DACH2: variants seen among roughly 807,000 people sequenced by gnomAD.
DACH2 encodes the protein dachshund family transcription factor 2, also known as dachshund homolog 2.
A neutral mutation model predicts 35.8 loss-of-function variants in DACH2; 17 were observed. The ratio of observed to expected loss-of-function variants is 0.48; its 90% confidence interval spans 0.33 to 0.71. The LOEUF is 0.71. DACH2 is among the 30% of genes least tolerant of loss of function. The pLI, the probability that DACH2 is intolerant of heterozygous loss-of-function variation, is 0.02. For synonymous variants in DACH2, 195 were observed against 177.3 expected (o/e 1.10, Z -0.79); for missense variants, 469 against 472.7 (o/e 0.99, Z 0.07).
At chrX:86,444,121 T>A (rs2037218338) in intron 2 of DACH2, among the ~76,000 whole-genome samples, 1 of 111,623 alleles carries the variant, frequency 9.0e-6, no homozygotes, top group Admixed American at 9.6e-5. Flanking sequence ...GATAAGGCCT[T>A]GCCCTGTCAC....
At chrX:86,418,987 G>A (rs150081344) in intron 2 of DACH2, among the ~76,000 whole-genome samples, 1,445 of 111,633 alleles carry the variant, frequency 0.013, 31 homozygotes, top group African/African-American at 0.045. Context: ...AATGCCTCCA[G>A]TCTCTTTGCT....
chrX:86,726,356 C>T lies in DACH2; in HGVS notation c.1104+11636C>T, dbSNP rs761919421. Among the ~76,000 whole-genome samples, 3 of 111,587 alleles carry T rather than the reference C, an allele frequency of 2.7e-5. No individual in the cohort carries two copies. The South Asian group carries it at 1.1e-3, about 42-fold the overall frequency. ...GCCCAGTGTTACACTCTCAAAATTG[C>T]ACCAGGTGTGGGCCCATAACCAGAG... On this transcript the variant is annotated intron_variant, in intron 6 of 11. Coordinates refer to ENST00000373125, the MANE Select transcript of DACH2 (RefSeq NM_053281.3).
chrX:86,477,260 T>C (rs1199113578), intron 2 of DACH2, among the ~76,000 whole-genome samples: 1 of 106,491 alleles, frequency 9.4e-6, no homozygotes, highest in Non-Finnish European at 1.9e-5. Flanking sequence ...CTGACTATTA[T>C]TGTATTAGGG....
At chrX:86,155,890 T>C (rs1287463015) in intron 1 of DACH2, among the ~76,000 whole-genome samples, 1 of 110,979 alleles carries the variant, frequency 9.0e-6, no homozygotes, top group African/African-American at 3.3e-5. Context: ...AGGCTAATGT[T>C]GGATGTTTAT....
chrX:86,296,527 T>C (rs372198117), intron 1 of DACH2, among the ~76,000 whole-genome samples: 1 of 111,557 alleles, frequency 9.0e-6, no homozygotes, highest in Admixed American at 9.5e-5. Context: ...CAAGTTTGCC[T>C]ATAAATGAAA....
chrX:86,167,918 C>A (rs2030997861), intron 1 of DACH2, among the ~76,000 whole-genome samples: 2 of 111,463 alleles, frequency 1.8e-5, no homozygotes. Flanking sequence ...GATATTATTT[C>A]AAGTTTTTTG....
intron 1 of DACH2, among the ~76,000 whole-genome samples, chrX:86,289,574 C>A (rs867833480): frequency 1.5e-5 from 1 of 66,431 alleles, no homozygotes; most frequent in African/African-American, 5.9e-5. Context: ...CTCCCCCCTC[C>A]CCCCACCCCA....
At chrX:86,391,670 G>A (rs1388581975) in intron 2 of DACH2, among the ~76,000 whole-genome samples, 1 of 111,006 alleles carries the variant, frequency 9.0e-6, no homozygotes, top group Admixed American at 9.7e-5. Flanking sequence ...ATTACATAAA[G>A]TAGGATCTCT....
In DACH2 at chrX:86,315,838, C is replaced by CAGAGAG. The variant is rs1441850166; in HGVS notation, c.489-60985_489-60984insGAGAGA. Among the ~76,000 whole-genome samples, 347 of 77,025 alleles carry CAGAGAG rather than the reference C, an allele frequency of 4.5e-3. 3 individuals are homozygous for CAGAGAG. The highest frequency in any genetic ancestry group is 0.014 in the African/African-American group (267 of 18,709). The allele number at this position is 77,025 out of a possible 115,157, so 66.9% of individuals were successfully genotyped here. A position where few individuals can be genotyped will look rare whatever the true frequency, so the allele number is the denominator to read the frequency against. On this transcript the variant is annotated intron_variant, in intron 1 of 11. Coordinates refer to ENST00000373125, the MANE Select transcript of DACH2 (RefSeq NM_053281.3). ...ACACACACACACACACACACACACA[C>CAGAGAG]ACAGAGAGAGAGAGGGAGATTGGAG... is the stretch of plus-strand genomic sequence containing the variant.
intron 7 of DACH2, among the ~76,000 whole-genome samples, chrX:86,785,773 A>G (rs2042130852): frequency 9.0e-6 from 1 of 111,703 alleles, no homozygotes; most frequent in South Asian, 3.8e-4. Context: ...ATGAAGTTTG[A>G]AAAATGGAGA....
intron 6 of DACH2, among the ~76,000 whole-genome samples, chrX:86,717,787 A>AAT (rs984866134): frequency 9.7e-5 from 10 of 103,622 alleles, no homozygotes; most frequent in East Asian, 3.0e-4. Flanking sequence ...TACTATTTGG[A>AAT]ATATATATAT....
intron 2 of DACH2, among the ~76,000 whole-genome samples, chrX:86,429,369 C>A (rs1391315506): frequency 9.0e-6 from 1 of 111,013 alleles, no homozygotes; most frequent in African/African-American, 3.3e-5. Context: ...TTGAAATGAA[C>A]ATATCTGATT....
chrX:86,302,728 A>G (rs932550202), intron 1 of DACH2, among the ~76,000 whole-genome samples: 11 of 110,233 alleles, frequency 1.0e-4, no homozygotes, highest in African/African-American at 3.6e-4. Flanking sequence ...CATATATTTT[A>G]TATATAATAA....
chrX:86,603,675 AT>A (rs2039820431), intron 3 of DACH2, among the ~76,000 whole-genome samples: 1 of 110,609 alleles, frequency 9.0e-6, no homozygotes, highest in Non-Finnish European at 1.9e-5. Context: ...TTATACTTTC[AT>A]TTTCATTGAA....
chrX:86,507,934 A>G (rs931907547), intron 2 of DACH2, among the ~76,000 whole-genome samples: 2 of 111,640 alleles, frequency 1.8e-5, no homozygotes, highest in Non-Finnish European at 1.9e-5. Flanking sequence ...TGCAACACAT[A>G]TTATGATGGA....
At chrX:86,475,888 G>T (rs1421441380) in intron 2 of DACH2, among the ~76,000 whole-genome samples, 1 of 111,771 alleles carries the variant, frequency 8.9e-6, no homozygotes, top group Non-Finnish European at 1.9e-5. Context: ...ATCATAAAAG[G>T]ATGTTGAGTT....
chrX:86,419,517 T>C (rs2036766000), intron 2 of DACH2, among the ~76,000 whole-genome samples: 2 of 111,330 alleles, frequency 1.8e-5, no homozygotes, highest in Non-Finnish European at 1.9e-5. Flanking sequence ...TTCACTATCA[T>C]AAGAACAGTG....
At chrX:86,366,648 A>C (rs1192123718) in intron 1 of DACH2, among the ~76,000 whole-genome samples, 1 of 111,046 alleles carries the variant, frequency 9.0e-6, no homozygotes, top group Non-Finnish European at 1.9e-5. Context: ...ATCTCATGTC[A>C]AAATGTGATT....
At chrX:86,400,975 A>G (rs1444670815) in intron 2 of DACH2, among the ~76,000 whole-genome samples, 2 of 112,458 alleles carry the variant, frequency 1.8e-5, no homozygotes, top group Non-Finnish European at 3.8e-5. Flanking sequence ...CTGCACCCAG[A>G]GGTGGAGCCT....
Sources: allele counts gnomAD v4.1 joint callset (sites outside exome capture counted in the v4.1 genomes callset), GRCh38; gene constraint gnomAD v4.1.1; transcripts MANE v1.5; gene names NCBI Gene and HGNC (gene_info 2026-07-23, HGNC 2026-07-21).